Variants in EDA observed in about 807,000 individuals in gnomAD.
EDA encodes ectodysplasin A.
In EDA, 2 loss-of-function variants were observed where a neutral mutation model predicts 23.6. That is an observed-to-expected ratio of 0.08 (90% CI 0.03 to 0.27). EDA has a LOEUF of 0.27. Ranked by LOEUF, EDA falls within the 10% of genes least tolerant of loss-of-function variation. The pLI is 1.00. For synonymous variants in EDA, 131 were observed against 132.0 expected (o/e 0.99, Z 0.05); for missense variants, 229 against 324.2 (o/e 0.71, Z 2.26).
intron 1 of EDA, among the ~76,000 whole-genome samples, chrX:69,848,573 CCA>C (rs1294268953): frequency 8.9e-6 from 1 of 111,793 alleles, no homozygotes; most frequent in Non-Finnish European, 1.9e-5. Flanking sequence ...CATACAATCC[CCA>C]GTTTCATCCT....
At chrX:69,793,570 G>GTTTTTTTTTTTTTT (rs67241807) in intron 1 of EDA, among the ~76,000 whole-genome samples, 50 of 58,713 alleles carry the variant, frequency 8.5e-4, no homozygotes, top group Non-Finnish European at 1.1e-3. Context: ...GTTTGTTTTT[G>GTTTTTTTTTTTTTT]TTTTTTTTTT....
At chrX:69,919,490 TC>T (rs1385453237) in intron 1 of EDA, among the ~76,000 whole-genome samples, 1 of 111,925 alleles carries the variant, frequency 8.9e-6, no homozygotes, top group Non-Finnish European at 1.9e-5. Context: ...GCTCTCTCTT[TC>T]CCCACCCTCT....
chrX:69,876,369 T>C (rs898457547), intron 1 of EDA, among the ~76,000 whole-genome samples: 2 of 108,147 alleles, frequency 1.8e-5, no homozygotes, highest in East Asian at 5.7e-4. Context: ...GAAATCACCA[T>C]TGAAGAATTT....
At chrX:69,752,405 C>T (rs1442656796) in intron 1 of EDA, among the ~76,000 whole-genome samples, 3 of 111,636 alleles carry the variant, frequency 2.7e-5, no homozygotes, top group Admixed American at 9.5e-5. Flanking sequence ...GTTGAACCAG[C>T]CTTGCATCCC....
At chrX:69,652,037 A>G (rs1173056043) in intron 1 of EDA, among the ~76,000 whole-genome samples, 1 of 111,043 alleles carries the variant, frequency 9.0e-6, no homozygotes, top group Non-Finnish European at 1.9e-5. Flanking sequence ...GAAGAGAGAA[A>G]ATAGTTGTCC....
At chrX:69,758,198 GTTCATC>G (rs1358770639) in intron 1 of EDA, among the ~76,000 whole-genome samples, 1 of 112,291 alleles carries the variant, frequency 8.9e-6, no homozygotes, top group African/African-American at 3.2e-5. Flanking sequence ...TTCAAAAGGT[GTTCATC>G]TTCATCTTTA....
chrX:70,030,469 C>G lies in EDA; in HGVS notation c.742C>G (p.Pro248Ala), dbSNP rs1371654368. Residue 248 changes from proline (P) to alanine (A), a missense_variant and splice_region_variant, in exon 6 of 8, where the codon CCA becomes GCA. By Grantham distance (27) the Pro-to-Ala change is conservative. Coordinates refer to ENST00000374552, the MANE Select transcript of EDA (RefSeq NM_001399.5). ...ADKAGTRENQ[P>A]AVVHLQGQGS... is the part of the protein sequence containing the mutation. Reference sequence around the variant, plus strand: ...CTCTCTATCCTTCTCATCCTGCCAGCCAGCTGTGGTGCATCTACAGGGCCA... The same window carrying G: ...CTCTCTATCCTTCTCATCCTGCCAGGCAGCTGTGGTGCATCTACAGGGCCA... The G allele has an allele frequency of 1.7e-6, 2 of 1,205,895 alleles. No individual in the cohort carries two copies. Among genetic ancestry groups the G allele is most frequent in the South Asian group, 1.8e-5 (1 of 55,944 alleles).
At chrX:69,863,841 A>G (rs1006094151) in intron 1 of EDA, among the ~76,000 whole-genome samples, 7 of 109,646 alleles carry the variant, frequency 6.4e-5, no homozygotes, top group Non-Finnish European at 1.1e-4. Context: ...GATGGTTGAA[A>G]TGGAACCAAG....
chrX:69,765,324 G>T (rs142353309), intron 1 of EDA, among the ~76,000 whole-genome samples: 1,543 of 112,236 alleles, frequency 0.014, 19 homozygotes, highest in African/African-American at 0.045. Context: ...AATATTACCT[G>T]GTTTGAAAAT....
chrX:69,787,697 T>C (rs369062902), intron 1 of EDA, among the ~76,000 whole-genome samples: 5 of 111,697 alleles, frequency 4.5e-5, no homozygotes, highest in South Asian at 3.8e-4. Flanking sequence ...GAGGGTAACC[T>C]GACCTTTCTC....
At chrX:70,001,563 A>G (rs1727963599) in intron 2 of EDA, among the ~76,000 whole-genome samples, 1 of 111,768 alleles carries the variant, frequency 8.9e-6, no homozygotes, top group African/African-American at 3.3e-5. Context: ...AGCTCTGATG[A>G]TTTATGTCAC....
chrX:69,799,696 C>CAA (rs139693126), intron 1 of EDA, among the ~76,000 whole-genome samples: 3,323 of 87,879 alleles, frequency 0.038, 93 homozygotes, highest in African/African-American at 0.088. Flanking sequence ...ACTAAAAAGA[C>CAA]AAAAAAAAAA....
At chrX:70,005,525 C>T (rs1832230021) in intron 2 of EDA, among the ~76,000 whole-genome samples, 1 of 110,957 alleles carries the variant, frequency 9.0e-6, no homozygotes, top group Non-Finnish European at 1.9e-5. Context: ...GATCACATAT[C>T]AGAAAATTAT....
intron 1 of EDA, among the ~76,000 whole-genome samples, chrX:69,906,954 A>G (rs1406370619): frequency 1.1e-4 from 12 of 112,321 alleles, no homozygotes; most frequent in Non-Finnish European, 2.3e-4. Flanking sequence ...TTCATTTCTC[A>G]GGCTGTAGAA....
At chrX:69,887,991 C>T (rs139962442) in intron 1 of EDA, among the ~76,000 whole-genome samples, 31 of 111,579 alleles carry the variant, frequency 2.8e-4, no homozygotes, top group African/African-American at 9.8e-4. Context: ...TAAAAAACTC[C>T]ATGGTAAAGG....
intron 1 of EDA, among the ~76,000 whole-genome samples, chrX:69,648,375 G>C (rs945887322): frequency 8.9e-6 from 1 of 111,859 alleles, no homozygotes; most frequent in Non-Finnish European, 1.9e-5. Context: ...AGCTCTATCC[G>C]TAGAACCCTG....
At chrX:69,908,974 G>A (rs1403204470) in intron 1 of EDA, among the ~76,000 whole-genome samples, 1 of 110,325 alleles carries the variant, frequency 9.1e-6, no homozygotes, top group Admixed American at 9.8e-5. Flanking sequence ...ATTTAGACAA[G>A]ATGAGTTCTG....
At chrX:69,939,038 C>T (rs182489072) in intron 1 of EDA, among the ~76,000 whole-genome samples, 202 of 111,551 alleles carry the variant, frequency 1.8e-3, no homozygotes, top group Non-Finnish European at 2.9e-3. Flanking sequence ...GTGATTCTTC[C>T]AGTTTTGTTC....
chrX:69,722,305 A>T (rs1015570534), intron 1 of EDA, among the ~76,000 whole-genome samples: 1 of 110,258 alleles, frequency 9.1e-6, no homozygotes. Flanking sequence ...TCCCAGGTTC[A>T]TGCCATTCTC....
Sources: gnomAD v4.1 joint callset for allele counts (sites outside exome capture counted in the v4.1 genomes callset) on GRCh38, gnomAD v4.1.1 for gene constraint, MANE v1.5 for transcripts, NCBI Gene and HGNC (gene_info 2026-07-23, HGNC 2026-07-21) for gene names.